The following UBR1 variants were observed in gnomAD, a reference collection of about 807,000 sequenced individuals.
The protein encoded by UBR1 is E3 ubiquitin-protein ligase UBR1.
UBR1 carries 102 observed loss-of-function variants against 242.1 expected under a neutral mutation model. The observed-to-expected ratio is 0.42, with a 90% CI of 0.36 to 0.50. The LOEUF is 0.50. Ranked by LOEUF, UBR1 falls within the 20% of genes least tolerant of loss-of-function variation. UBR1 has a pLI of 0.01. For synonymous variants in UBR1, 675 were observed against 684.8 expected, an observed-to-expected ratio of 0.99 and a Z score of 0.22; for missense variants, 1,772 against 2,101.8, an observed-to-expected ratio of 0.84 and a Z score of 3.07.
intron 44 of UBR1, among the ~76,000 whole-genome samples, chr15:42,956,936 G>A (rs1334585594): frequency 6.6e-6 from 1 of 152,162 alleles, no homozygotes; most frequent in Non-Finnish European, 1.5e-5. Context: ...ATAAAATGGT[G>A]CAACCACTGT....
chr15:43,054,070 C>T (rs2033587916), intron 12 of UBR1, among the ~76,000 whole-genome samples: 1 of 152,140 alleles, frequency 6.6e-6, no homozygotes, highest in Admixed American at 6.5e-5. Flanking sequence ...ATGTTAACAG[C>T]CAGCCGCAGT....
Position 43,030,052 on chromosome 15 carries a change from A to C in UBR1, c.2271T>G (p.Pro757=). Residue 757 remains proline (P), a synonymous_variant, in exon 21 of 47, where the codon CCT becomes CCG. Coordinates refer to ENST00000290650, the MANE Select transcript of UBR1 (RefSeq NM_174916.3). ...CTTCTTTGGTCACATTTCCCACTCC[A>C]GGTACATAACGCTCACCTAGTTCAA... ...LIYIVGERYV[P]GVGNVTKEEV... 6.2e-7 allele frequency: 1 copy of C among 1,613,990 alleles called. No homozygotes were observed.
intron 46 of UBR1, among the ~76,000 whole-genome samples, chr15:42,949,286 G>A (rs1381600412): frequency 3.6e-5 from 4 of 112,522 alleles, no homozygotes; most frequent in African/African-American, 1.4e-4. Context: ...TTGTGGGGTG[G>A]GGGGAGGGGG....
Position 43,031,707 on chromosome 15 carries a change from A to G in UBR1, c.2254+861T>C, listed in dbSNP as rs146067245. On this transcript the variant is annotated intron_variant, in intron 20 of 46. Transcript: ENST00000290650. The stretch of plus-strand genomic sequence containing the variant: ...CGTTTGGTGCAGTAAAGTAAATAAC[A>G]AAAGCCAGAATGAGAAGTCAAAAAC... Among the ~76,000 whole-genome samples, 726 of 152,332 alleles carry G rather than the reference A, an allele frequency of 4.8e-3. 6 individuals are homozygous for G. The highest frequency in any genetic ancestry group is 0.017 in the African/African-American group (697 of 41,574).
chr15:43,041,607 CA>C (rs1186109060), intron 15 of UBR1, among the ~76,000 whole-genome samples: 5 of 150,480 alleles, frequency 3.3e-5, no homozygotes, highest in South Asian at 2.1e-4. Context: ...AACAAAAAAA[CA>C]AAAAAAAATT....
intron 13 of UBR1, 88 bp from the exon 14 acceptor site, chr15:43,047,377 T>A: frequency 6.3e-7 from 1 of 1,577,026 alleles, no homozygotes; most frequent in Non-Finnish European, 8.7e-7. Context: ...TCAGGATTCA[T>A]AACATTTTAA....
At position 42,949,692 on chromosome 15, in the gene UBR1, G is replaced by A. The variant is rs578033335; in HGVS notation, c.5108+570C>T. Among the ~76,000 whole-genome samples, 8 of 151,240 alleles carry A rather than the reference G, an allele frequency of 5.3e-5. No individual in the cohort carries two copies. The East Asian group carries it at 9.9e-4, about 19-fold the overall frequency. ...CACATGCCTGTAGTCCCAGCTACTC[G>A]GGAGGCTGAGGTGGGAGATTCACTT... On this transcript the variant is annotated intron_variant, in intron 46 of 46. Transcript: ENST00000290650.
intron 15 of UBR1, among the ~76,000 whole-genome samples, chr15:43,041,592 TAAAAAACA>T (rs1401041869): frequency 3.3e-5 from 5 of 151,280 alleles, no homozygotes; most frequent in Non-Finnish European, 5.9e-5. Context: ...AAAGTATAAT[TAAAAAACA>T]AAAAAACAAA....
intron 27 of UBR1, among the ~76,000 whole-genome samples, chr15:43,020,873 G>A (rs1326562893): frequency 6.6e-6 from 1 of 152,164 alleles, no homozygotes; most frequent in Non-Finnish European, 1.5e-5. Flanking sequence ...TTTGAGAGAG[G>A]CCTTCCCTAA....
At position 43,101,219 on chromosome 15, in the gene UBR1, GT is replaced by G. The variant is rs550051266; in HGVS notation, c.81+4722del. On this transcript the variant is annotated intron_variant, in intron 1 of 46. Coordinates refer to ENST00000290650, the MANE Select transcript of UBR1 (RefSeq NM_174916.3). ...GCAAAGTCTTGAAGGCTTGTAATGA[GT>G]TTATAAGTATAAGAGAAAGCCACTG... 9.2e-3 allele frequency among the ~76,000 whole-genome samples: 1,406 copies of G among 152,286 alleles called. 17 individuals carry two copies. The highest frequency in any genetic ancestry group is 0.032 in the African/African-American group (1,339 of 41,538).
chr15:43,015,040 G>A (rs1173737170), intron 29 of UBR1, among the ~76,000 whole-genome samples: 9 of 150,828 alleles, frequency 6.0e-5, no homozygotes, highest in East Asian at 2.0e-4. Context: ...GCCCCCGCCC[G>A]GCCAGCCACC....
intron 35 of UBR1, among the ~76,000 whole-genome samples, chr15:42,986,664 G>C (rs1302980478): frequency 6.6e-6 from 1 of 152,102 alleles, no homozygotes; most frequent in African/African-American, 2.4e-5. Flanking sequence ...AATATAAACT[G>C]ATGTATTATC....
intron 19 of UBR1, among the ~76,000 whole-genome samples, chr15:43,033,675 ATATT>A (rs1400465379): frequency 6.6e-6 from 1 of 152,236 alleles, no homozygotes; most frequent in Non-Finnish European, 1.5e-5. Flanking sequence ...AAAAATTTAT[ATATT>A]TATTTATTAT....
At chr15:43,057,414 G>A (rs1267619861) in intron 10 of UBR1, among the ~76,000 whole-genome samples, 1 of 152,028 alleles carries the variant, frequency 6.6e-6, no homozygotes, top group Non-Finnish European at 1.5e-5. Context: ...AGAATTGACT[G>A]CAACTCAAAA....
chr15:43,091,626 A>G (rs992069855), intron 1 of UBR1, among the ~76,000 whole-genome samples: 1 of 152,164 alleles, frequency 6.6e-6, no homozygotes, highest in African/African-American at 2.4e-5. Flanking sequence ...CACATGCTTT[A>G]TAATGAATAA....
intron 5 of UBR1, 150 bp from the exon 6 acceptor site, chr15:43,068,186 T>A: frequency 1.1e-4 from 15 of 141,734 alleles, no homozygotes; most frequent in South Asian, 2.7e-4. Context: ...AGAATTTGAT[T>A]TTTTTTTTTT....
intron 15 of UBR1, among the ~76,000 whole-genome samples, chr15:43,042,107 A>C (rs1293173921): frequency 6.6e-6 from 1 of 152,198 alleles, no homozygotes; most frequent in South Asian, 2.1e-4. Flanking sequence ...TACAGCCACT[A>C]AGGAAAACAC....
chr15:42,959,874 T>C (rs1442659360), intron 43 of UBR1, among the ~76,000 whole-genome samples: 1 of 152,118 alleles, frequency 6.6e-6, no homozygotes, highest in African/African-American at 2.4e-5. Flanking sequence ...AGGCGGCAAA[T>C]GTGCACTGTC....
intron 39 of UBR1, among the ~76,000 whole-genome samples, chr15:42,972,272 A>G (rs1483609733): frequency 6.6e-6 from 1 of 152,188 alleles, no homozygotes; most frequent in African/African-American, 2.4e-5. Flanking sequence ...TTGGATTTGT[A>G]TAGTATACAA....
Sources: gnomAD v4.1 joint callset for allele counts (sites outside exome capture counted in the v4.1 genomes callset) on GRCh38, gnomAD v4.1.1 for gene constraint, MANE v1.5 for transcripts, NCBI Gene and HGNC (gene_info 2026-07-23, HGNC 2026-07-21) for gene names.